The following GINM1 variants were observed in gnomAD, a reference collection of about 807,000 sequenced individuals.
The protein encoded by GINM1 is glycoprotein integral membrane protein 1.
A neutral mutation model predicts 37.8 loss-of-function variants in GINM1; 29 were observed. That is an observed-to-expected ratio of 0.77 (90% CI 0.57 to 1.05). The LOEUF (loss-of-function observed/expected upper bound fraction) is 1.05. GINM1 is among the 50% of genes least tolerant of loss of function. The pLI is 0.00. For synonymous variants in GINM1, 143 were observed against 146.2 expected, an observed-to-expected ratio of 0.98 and a Z score of 0.16; for missense variants, 377 against 397.9, an observed-to-expected ratio of 0.95 and a Z score of 0.45.
intron 7 of GINM1, among the ~76,000 whole-genome samples, chr6:149,586,295 G>C (rs559124441): frequency 1.3e-5 from 2 of 152,230 alleles, no homozygotes; most frequent in East Asian, 1.9e-4. Context: ...GGAACAGCAG[G>C]GGGGTGTCAG....
intron 1 of GINM1, among the ~76,000 whole-genome samples, chr6:149,570,146 AT>A: frequency 1.2e-4 from 1 of 8,380 alleles, no homozygotes; most frequent in East Asian, 1.5e-3. Flanking sequence ...TTATATATAT[AT>A]ATATATATAT....
At chr6:149,570,052 G>A (rs1257886213) in intron 1 of GINM1, among the ~76,000 whole-genome samples, 1 of 148,560 alleles carries the variant, frequency 6.7e-6, no homozygotes, top group African/African-American at 2.5e-5. Flanking sequence ...AAATAATTTT[G>A]TTGTACTTGG....
At chr6:149,571,506 A>G (rs1777821812) in intron 1 of GINM1, among the ~76,000 whole-genome samples, 1 of 152,084 alleles carries the variant, frequency 6.6e-6, no homozygotes, top group Admixed American at 6.6e-5. Flanking sequence ...TATCCCACTT[A>G]CATAAAGCTC....
Position 149,591,078 on chromosome 6 carries a change from A to G in GINM1, c.*240A>G. The G allele has an allele frequency of 2.6e-6, 1 of 382,126 alleles. No homozygotes were observed. Among genetic ancestry groups the G allele is most frequent in the South Asian group, 3.4e-5 (1 of 29,702 alleles). 23.7% of individuals were successfully genotyped at this position (382,126 alleles called of 1,614,324 possible). On this transcript the variant is annotated 3_prime_UTR_variant, in exon 8 of 8. Transcript: ENST00000367419. ...GGGAGGCCAATGCGGGCGGATCACG[A>G]GGTCAGATCAAGACCATCCTGCCAA...
chr6:149,572,271 T>C lies in GINM1; in HGVS notation c.121-14T>C, dbSNP rs377477084. The C allele has an allele frequency of 1.3e-6, 2 of 1,553,258 alleles. No homozygotes were observed. Among genetic ancestry groups the C allele is most frequent in the African/African-American group, 1.4e-5 (1 of 72,764 alleles). ...GATGCACACCTTCCAATTTACACAA[T>C]ACTTGTTTTACAGGACGGCATCAGA... On this transcript the variant is annotated splice_polypyrimidine_tract_variant and intron_variant, in intron 1 of 7. Coordinates refer to ENST00000367419, the MANE Select transcript of GINM1 (RefSeq NM_138785.5).
chr6:149,583,106 A>G (rs1428748215), intron 7 of GINM1, among the ~76,000 whole-genome samples: 4 of 152,144 alleles, frequency 2.6e-5, no homozygotes, highest in Non-Finnish European at 5.9e-5. Context: ...AGGCAGGTGG[A>G]TCATGAGGTC....
In GINM1 at chr6:149,580,590, T is replaced by TA; in HGVS notation, c.587-2dup. The TA allele has an allele frequency of 6.2e-7, 1 of 1,607,042 alleles. No homozygotes were observed. The highest frequency in any genetic ancestry group is 8.5e-7 in the Non-Finnish European group (1 of 1,177,014). Reference sequence around the variant, plus strand: ...TGGTAACGTTGCTCTTTCTCCTGGGTAGAAAGTGTTAGTTCACTGCAAACC... The same window carrying TA: ...TGGTAACGTTGCTCTTTCTCCTGGGTAAGAAAGTGTTAGTTCACTGCAAACC... On this transcript the variant is annotated splice_region_variant and splice_polypyrimidine_tract_variant and intron_variant, in intron 5 of 7. Transcript: ENST00000367419.
At position 149,566,621 on chromosome 6, in the gene GINM1, C is replaced by T; in HGVS notation, c.120+87C>T. ...GTCCACAGTGACGCTTCCCACATCC[C>T]ACCGGCGGGCAGGGGCGGGGGTCCG... On this transcript the variant is annotated intron_variant, in intron 1 of 7. Coordinates refer to ENST00000367419, the MANE Select transcript of GINM1 (RefSeq NM_138785.5). This position sits in a 1 kb window ranked among gnomAD's most constrained non-coding sequence, Gnocchi z 4.4. The T allele has an allele frequency of 2.2e-6, 3 of 1,368,142 alleles. No homozygotes were observed. Among genetic ancestry groups the T allele is most frequent in the Non-Finnish European group, 2.8e-6 (3 of 1,058,500 alleles). The allele number at this position is 1,368,142 out of a possible 1,614,324, so 84.8% of individuals were successfully genotyped here.
intron 1 of GINM1, among the ~76,000 whole-genome samples, chr6:149,569,181 C>T (rs150386038): frequency 1.1e-3 from 167 of 151,690 alleles, no homozygotes; most frequent in African/African-American, 3.8e-3. Context: ...TTACAGGCTC[C>T]CGCCACTGCG....
At chr6:149,588,444 A>AT (rs1176710397) in intron 7 of GINM1, among the ~76,000 whole-genome samples, 19 of 152,176 alleles carry the variant, frequency 1.2e-4, no homozygotes, top group Non-Finnish European at 2.5e-4. Context: ...CACATTGCAG[A>AT]TTTTTTTACT....
At chr6:149,575,894 A>G (rs1777907267) in intron 3 of GINM1, among the ~76,000 whole-genome samples, 1 of 152,220 alleles carries the variant, frequency 6.6e-6, no homozygotes, top group Non-Finnish European at 1.5e-5. Context: ...TGTTTCTATG[A>G]TAACTGAAAT....
At chr6:149,569,697 A>G (rs1777780435) in intron 1 of GINM1, among the ~76,000 whole-genome samples, 1 of 152,192 alleles carries the variant, frequency 6.6e-6, no homozygotes, top group South Asian at 2.1e-4. Flanking sequence ...GTCACCAAAG[A>G]GAGGCATTCG....
At chr6:149,579,046 GT>G in intron 4 of GINM1, 73 bp downstream of exon 4, 1 of 933,090 alleles carries the variant, frequency 1.1e-6, no homozygotes, top group Non-Finnish European at 1.6e-6. Flanking sequence ...CATGTGTTCA[GT>G]TATTTTATTT....
intron 7 of GINM1, among the ~76,000 whole-genome samples, chr6:149,588,346 G>A (rs544097633): frequency 1.3e-5 from 2 of 152,112 alleles, no homozygotes; most frequent in African/African-American, 4.8e-5. Flanking sequence ...ACTTGCTTAC[G>A]TAGAGCCTCT....
chr6:149,566,680 A>ATTTCCTGGGGT lies in GINM1; in HGVS notation c.120+146_120+147insTTTCCTGGGGT. Reference sequence around the variant, plus strand: ...AAGGAGGTGTGGGGAGAAGCACCCCAGGAAATGGGGGCGGCGTGGGAGGCC... The same window carrying ATTTCCTGGGGT: ...AAGGAGGTGTGGGGAGAAGCACCCCATTTCCTGGGGTGGAAATGGGGGCGGCGTGGGAGGCC... On this transcript the variant is annotated intron_variant, in intron 1 of 7. Transcript: ENST00000367419. This position sits in a 1 kb window ranked among gnomAD's most constrained non-coding sequence, Gnocchi z 4.4. 8.8e-7 allele frequency: 1 copy of ATTTCCTGGGGT among 1,139,290 alleles called. No homozygotes were observed. The highest frequency in any genetic ancestry group is 1.2e-6 in the Non-Finnish European group (1 of 860,300). 70.6% of individuals were successfully genotyped at this position (1,139,290 alleles called of 1,614,324 possible).
intron 3 of GINM1, 133 bp from the exon 4 acceptor site, chr6:149,578,689 C>A: frequency 1.7e-6 from 1 of 578,598 alleles, no homozygotes; most frequent in Non-Finnish European, 3.0e-6. Context: ...GCATTGAGGT[C>A]AGGGATGAAG....
In GINM1 at chr6:149,574,372, C is replaced by T. The variant is rs974603413; in HGVS notation, c.277+1769C>T. On this transcript the variant is annotated intron_variant, in intron 3 of 7. Coordinates refer to ENST00000367419, the MANE Select transcript of GINM1 (RefSeq NM_138785.5). ...CGGCCCACTTGTTGTTTCTGTCAGTCTGTCTTTTAGTTGGGATTTTAACTT... is the reference window on the plus strand; with the variant it reads ...CGGCCCACTTGTTGTTTCTGTCAGTTTGTCTTTTAGTTGGGATTTTAACTT... Among the ~76,000 whole-genome samples, 4 of 151,074 alleles carry T rather than the reference C, an allele frequency of 2.6e-5. No individual in the cohort carries two copies. The East Asian group carries it at 8.2e-4, about 31-fold the overall frequency.
At position 149,572,606 on chromosome 6, in the gene GINM1, G is replaced by A; in HGVS notation, c.277+3G>A. ...AATAAGCTGTCAGACTTTGATAGGTGAGTATTACTAAATTATTTCCATAAT... is the reference window on the plus strand; with the variant it reads ...AATAAGCTGTCAGACTTTGATAGGTAAGTATTACTAAATTATTTCCATAAT... On this transcript the variant is annotated splice_donor_region_variant and intron_variant, in intron 3 of 7. Transcript: ENST00000367419. The A allele has an allele frequency of 6.8e-7, 1 of 1,464,266 alleles. No individual in the cohort carries two copies. Among genetic ancestry groups the A allele is most frequent in the South Asian group, 1.2e-5 (1 of 86,554 alleles). The allele number at this position is 1,464,266 out of a possible 1,614,324, so 90.7% of individuals were successfully genotyped here. A position where few individuals can be genotyped will look rare whatever the true frequency, so the allele number is the denominator to read the frequency against.
rs1465393314 is a variant in GINM1, at chr6:149,566,381, C to G, written c.-34C>G. On this transcript the variant is annotated 5_prime_UTR_variant, in exon 1 of 8. Transcript: ENST00000367419. This position sits in a 1 kb window ranked among gnomAD's most constrained non-coding sequence, Gnocchi z 4.4. ...GCGGGCCGGCTCCGCCCTCACCTCC[C>G]GGCCGCGGCTGCCCTCTGCCCGGGT... 3 of 1,496,246 alleles carry G rather than the reference C, an allele frequency of 2.0e-6. No homozygotes were observed. The highest frequency in any genetic ancestry group is 8.8e-7 in the Non-Finnish European group (1 of 1,131,462). 92.7% of individuals were successfully genotyped at this position (1,496,246 alleles called of 1,614,324 possible). A position where few individuals can be genotyped will look rare whatever the true frequency, so the allele number is the denominator to read the frequency against.
Sources: allele counts gnomAD v4.1 joint callset (sites outside exome capture counted in the v4.1 genomes callset), GRCh38; gene constraint gnomAD v4.1.1; non-coding constraint Gnocchi (gnomAD v3.1); transcripts MANE v1.5; gene names NCBI Gene and HGNC (gene_info 2026-07-23, HGNC 2026-07-21).